CATSPERE: variants seen among roughly 807,000 people sequenced by gnomAD.
CATSPERE encodes catsper channel auxiliary subunit epsilon, also known as cation channel sperm-associated auxiliary subunit epsilon.
Under a neutral mutation model 114.1 loss-of-function variants are expected in CATSPERE, and 93 were observed. That is an observed-to-expected ratio of 0.81 (90% CI 0.69 to 0.97). The LOEUF (loss-of-function observed/expected upper bound fraction) is 0.97. CATSPERE is among the 50% of genes least tolerant of loss of function. The pLI, the probability that CATSPERE is intolerant of heterozygous loss-of-function variation, is 0.00. For synonymous variants in CATSPERE, 341 were observed against 384.1 expected, an observed-to-expected ratio of 0.89 and a Z score of 1.31; for missense variants, 1,058 against 1,131.6, an observed-to-expected ratio of 0.93 and a Z score of 0.93.
chr1:244,572,333 A>T lies in CATSPERE; in HGVS notation c.1511A>T (p.Tyr504Phe), dbSNP rs1179051473. ...DSIIHEVFID[Y>F]YGDILVKMEN... Reference sequence around the variant, plus strand: ...CAAACTTTTCTCTTTTTTCCAGATTATTATGGAGATATTTTGGTAAAAATG... The same window carrying T: ...CAAACTTTTCTCTTTTTTCCAGATTTTTATGGAGATATTTTGGTAAAAATG... Residue 504 changes from tyrosine to phenylalanine, a missense_variant, in exon 11 of 22, where the codon TAT (tyrosine) becomes TTT (phenylalanine). Tyr to Phe is a conservative substitution (Grantham distance 22). Around this residue, in one of 2 missense-constraint regions of CATSPERE, gnomAD observed 787 missense variants for 905.6 expected, o/e 0.87. Transcript: ENST00000366534. 3 of 1,384,386 alleles carry T rather than the reference A, an allele frequency of 2.2e-6. No individual in the cohort carries two copies. Among genetic ancestry groups the T allele is most frequent in the African/African-American group, 2.9e-5 (2 of 68,868 alleles). 85.8% of individuals were successfully genotyped at this position (1,384,386 alleles called of 1,614,324 possible). A position where few individuals can be genotyped will look rare whatever the true frequency, so the allele number is the denominator to read the frequency against.
chr1:244,616,536 C>A (rs998923222), intron 19 of CATSPERE, among the ~76,000 whole-genome samples: 3 of 152,182 alleles, frequency 2.0e-5, no homozygotes, highest in African/African-American at 7.2e-5. Context: ...CAAGGGCCTT[C>A]CTGCTGCATC....
At chr1:244,456,806 C>A (rs1666202121), upstream of CATSPERE, among the ~76,000 whole-genome samples, 1 of 152,184 alleles carries the variant, frequency 6.6e-6, no homozygotes, top group Non-Finnish European at 1.5e-5. Flanking sequence ...TCCTAGGCTC[C>A]ATCCCTAGTA....
At chr1:244,565,802 A>G (rs1558507307) in intron 10 of CATSPERE, among the ~76,000 whole-genome samples, 3 of 152,038 alleles carry the variant, frequency 2.0e-5, no homozygotes, top group African/African-American at 7.2e-5. Flanking sequence ...GGATTCATTG[A>G]TTTTTTGAAG....
At chr1:244,489,600 T>G (rs1367874135) in intron 5 of CATSPERE, among the ~76,000 whole-genome samples, 1 of 151,500 alleles carries the variant, frequency 6.6e-6, no homozygotes, top group Non-Finnish European at 1.5e-5. Flanking sequence ...GAAGGCGGCA[T>G]GGAAACTATG....
chr1:244,506,170 A>C (rs1309999436), intron 7 of CATSPERE, among the ~76,000 whole-genome samples: 8 of 152,340 alleles, frequency 5.3e-5, no homozygotes, highest in Admixed American at 5.2e-4. Context: ...TAGTTCACTT[A>C]GCATAATGTC....
chr1:244,462,174 T>G (rs1666929736), intron 1 of CATSPERE, among the ~76,000 whole-genome samples: 1 of 152,076 alleles, frequency 6.6e-6, no homozygotes, highest in African/African-American at 2.4e-5. Context: ...GCAGCCTTCT[T>G]TTGCCAGAGG....
intron 5 of CATSPERE, among the ~76,000 whole-genome samples, chr1:244,488,971 G>A (rs1042466876): frequency 1.9e-4 from 29 of 152,096 alleles, no homozygotes; most frequent in Non-Finnish European, 3.2e-4. Flanking sequence ...GCATGATAAT[G>A]TACTAGACAC....
At position 244,539,517 on chromosome 1, in the gene CATSPERE, T is replaced by A. The variant is rs548372942; in HGVS notation, c.537-12805T>A. Among the ~76,000 whole-genome samples, 444 of 127,106 alleles carry A rather than the reference T, an allele frequency of 3.5e-3. 5 individuals carry two copies. The highest frequency in any genetic ancestry group is 0.012 in the African/African-American group (423 of 35,746). 83.4% of individuals were successfully genotyped at this position (127,106 alleles called of 152,430 possible). A position where few individuals can be genotyped will look rare whatever the true frequency, so the allele number is the denominator to read the frequency against. ...TGAGTTAGGGAGGATTCTCTCTTTT[T>A]CTATTGATTGGAATAGTTTCAGAAG... On this transcript the variant is annotated intron_variant, in intron 8 of 21. Coordinates refer to ENST00000366534, the MANE Select transcript of CATSPERE (RefSeq NM_001130957.2).
At chr1:244,460,996 T>C (rs1006510579), upstream of CATSPERE, among the ~76,000 whole-genome samples, 1 of 152,394 alleles carries the variant, frequency 6.6e-6, no homozygotes, top group Admixed American at 6.5e-5. Flanking sequence ...GCTATTGCAG[T>C]GTCTATACGC....
upstream of CATSPERE, chr1:244,451,740 T>C (rs756015425): frequency 1.4e-5 from 23 of 1,606,242 alleles, no homozygotes; most frequent in Admixed American, 2.2e-4. The surrounding 1 kb of genome is among the most constrained non-coding windows in gnomAD (Gnocchi z 6.6). Flanking sequence ...CCCGGTTTCC[T>C]CCGGGCCGCG....
intron 6 of CATSPERE, among the ~76,000 whole-genome samples, chr1:244,492,947 G>C (rs1265560236): frequency 6.6e-6 from 1 of 150,820 alleles, no homozygotes; most frequent in Non-Finnish European, 1.5e-5. Context: ...AATAAAAGAG[G>C]ATACAAAGAA....
rs1431095230 is a variant in CATSPERE at position 244,607,803 on chromosome 1, G to A, written c.2403+2009G>A. Reference sequence around the variant, plus strand: ...ATCTAACCAGGGACATCTGCACTGGGCTATATGTGATCAAGAATTAAACTT... The same window carrying A: ...ATCTAACCAGGGACATCTGCACTGGACTATATGTGATCAAGAATTAAACTT... On this transcript the variant is annotated intron_variant, in intron 18 of 21. Coordinates refer to ENST00000366534, the MANE Select transcript of CATSPERE (RefSeq NM_001130957.2). This position sits in a 1 kb window ranked among gnomAD's most constrained non-coding sequence, Gnocchi z 4.4. Among the ~76,000 whole-genome samples the A allele has an allele frequency of 3.9e-5, 6 of 152,160 alleles. No homozygotes were observed. Among genetic ancestry groups the A allele is most frequent in the Admixed American group, 6.6e-5 (1 of 15,264 alleles).
Position 244,593,552 on chromosome 1 carries a change from A to G in CATSPERE, c.2277A>G (p.Thr759=). The change falls in exon 17 of 22, where the codon ACA becomes ACG. Residue 759 remains threonine (T), a synonymous_variant. Coordinates refer to ENST00000366534, the MANE Select transcript of CATSPERE (RefSeq NM_001130957.2). ...EYGCPLRLDF[T]EKFQPVVQLF... Reference sequence around the variant, plus strand: ...GCTGCCCTCTGAGGCTTGACTTCACAGAAAAGTTTCAACCTGTGGTTCAAC... The same window carrying G: ...GCTGCCCTCTGAGGCTTGACTTCACGGAAAAGTTTCAACCTGTGGTTCAAC... 6.2e-7 allele frequency: 1 copy of G among 1,614,026 alleles called. No individual in the cohort carries two copies. Among genetic ancestry groups the G allele is most frequent in the Non-Finnish European group, 8.5e-7 (1 of 1,179,914 alleles).
chr1:244,602,821 G>C (rs1404383290), intron 17 of CATSPERE, among the ~76,000 whole-genome samples: 2 of 152,122 alleles, frequency 1.3e-5, no homozygotes, highest in Non-Finnish European at 2.9e-5. Flanking sequence ...GGTACGGTAA[G>C]ATATACAGAC....
chr1:244,553,750 T>C (rs1269151082), intron 9 of CATSPERE, among the ~76,000 whole-genome samples: 2 of 151,988 alleles, frequency 1.3e-5, no homozygotes, highest in Non-Finnish European at 2.9e-5. Flanking sequence ...TAGTTAGATA[T>C]AAAACATTAG....
At chr1:244,499,460 A>G (rs1012302189) in intron 7 of CATSPERE, among the ~76,000 whole-genome samples, 1 of 151,722 alleles carries the variant, frequency 6.6e-6, no homozygotes, top group African/African-American at 2.4e-5. Context: ...CCCTGTATGC[A>G]TTAGGTATTT....
intron 2 of CATSPERE, among the ~76,000 whole-genome samples, chr1:244,476,400 GT>G (rs1421571763): frequency 6.6e-6 from 1 of 151,922 alleles, no homozygotes; most frequent in Non-Finnish European, 1.5e-5. Flanking sequence ...AGTTTATTTA[GT>G]TTGAGAAAAA....
intron 2 of CATSPERE, among the ~76,000 whole-genome samples, chr1:244,464,999 T>A (rs1372514176): frequency 2.7e-5 from 4 of 150,538 alleles, no homozygotes; most frequent in African/African-American, 9.7e-5. Flanking sequence ...GCCAAATCTC[T>A]CCCCTCCTTT....
intron 5 of CATSPERE, among the ~76,000 whole-genome samples, chr1:244,487,888 A>G (rs1671347342): frequency 6.6e-6 from 1 of 152,124 alleles, no homozygotes. Context: ...TTCAAAGATA[A>G]ATTTGTTAAC....
Sources: allele counts gnomAD v4.1 joint callset (sites outside exome capture counted in the v4.1 genomes callset), GRCh38; gene constraint gnomAD v4.1.1; regional missense constraint gnomAD v4.1.1; non-coding constraint Gnocchi (gnomAD v3.1); transcripts MANE v1.5; gene names NCBI Gene and HGNC (gene_info 2026-07-23, HGNC 2026-07-21).